Variants in GRAMD1B observed in about 807,000 individuals in gnomAD.
The protein encoded by GRAMD1B is protein Aster-B.
In GRAMD1B, 37 loss-of-function variants were observed where a neutral mutation model predicts 99.7. The observed-to-expected ratio is 0.37, with a 90% CI of 0.29 to 0.49. GRAMD1B has a LOEUF of 0.49. GRAMD1B is among the 20% of genes least tolerant of loss of function. The probability of loss-of-function intolerance (pLI) is 0.98; values close to 1 mark genes in which losing one functional copy is unlikely to be tolerated. For synonymous variants in GRAMD1B, 427 were observed against 387.6 expected (o/e 1.10, Z -1.19); for missense variants, 888 against 1,009.2 (o/e 0.88, Z 1.63).
At chr11:123,386,426 C>G (rs996388790) in intron 1 of GRAMD1B, among the ~76,000 whole-genome samples, 2 of 138,438 alleles carry the variant, frequency 1.4e-5, no homozygotes, top group African/African-American at 2.7e-5. Context: ...GAATGTTACT[C>G]ACAATATACT....
chr11:123,587,587 G>A lies in GRAMD1B; in HGVS notation c.684+3255G>A, dbSNP rs985000806. Reference sequence around the variant, plus strand: ...TAACATCACAGGGGTTTCCTTCCTTGGCCTCCTGGCGCATTCCTGCGGGCA... The same window carrying A: ...TAACATCACAGGGGTTTCCTTCCTTAGCCTCCTGGCGCATTCCTGCGGGCA... On this transcript the variant is annotated intron_variant, in intron 4 of 19. Coordinates refer to ENST00000635736, the MANE Select transcript of GRAMD1B (RefSeq NM_001387025.1). The surrounding 1 kb of genome is among the most constrained non-coding windows in gnomAD (Gnocchi z 4.2). 6.6e-6 allele frequency among the ~76,000 whole-genome samples: 1 copy of A among 152,158 alleles called. No homozygotes were observed. Among genetic ancestry groups the A allele is most frequent in the Non-Finnish European group, 1.5e-5 (1 of 68,026 alleles).
intron 1 of GRAMD1B, among the ~76,000 whole-genome samples, chr11:123,439,140 T>A (rs1949295732): frequency 6.6e-6 from 1 of 152,222 alleles, no homozygotes; most frequent in Admixed American, 6.5e-5. Flanking sequence ...GGTGGGAATC[T>A]ATGAGCTCTT....
At chr11:123,462,433 G>C (rs1950470296) in intron 1 of GRAMD1B, among the ~76,000 whole-genome samples, 1 of 152,136 alleles carries the variant, frequency 6.6e-6, no homozygotes, top group Non-Finnish European at 1.5e-5. Flanking sequence ...CTAGCTGAGG[G>C]CTGCCACCTG....
intron 1 of GRAMD1B, among the ~76,000 whole-genome samples, chr11:123,407,382 G>A (rs544689643): frequency 5.9e-5 from 9 of 152,262 alleles, no homozygotes; most frequent in Non-Finnish European, 1.0e-4. Context: ...TCAGGAAACG[G>A]ATGAGAAACT....
chr11:123,500,777 G>A (rs1301168571), intron 2 of GRAMD1B, among the ~76,000 whole-genome samples: 1 of 152,038 alleles, frequency 6.6e-6, no homozygotes, highest in African/African-American at 2.4e-5. Context: ...GGGTTCAAGT[G>A]ATTCTCCCGC....
intron 3 of GRAMD1B, 101 bp from the exon 4 acceptor site, chr11:123,584,211 C>A (rs573392701): frequency 4.3e-6 from 3 of 695,564 alleles, no homozygotes; most frequent in Non-Finnish European, 7.6e-6. Flanking sequence ...TGGACCCCTC[C>A]TCCCTGCCCA....
chr11:123,476,633 G>A (rs1435031399), intron 1 of GRAMD1B, among the ~76,000 whole-genome samples: 9 of 152,196 alleles, frequency 5.9e-5, no homozygotes, highest in African/African-American at 2.2e-4. Context: ...TTCTGCTGTT[G>A]TTGCATCACA....
In GRAMD1B at chr11:123,623,120, C is replaced by T. The variant is rs550973249; in HGVS notation, c.*525C>T. 2.0e-5 allele frequency: 3 copies of T among 152,286 alleles called. No homozygotes were observed. The highest frequency in any genetic ancestry group is 4.8e-5 in the African/African-American group (2 of 41,550). The allele number at this position is 152,286 out of a possible 1,614,324, so 9.4% of individuals were successfully genotyped here. ...CATCAAGGGAGCCCAGTCTAAACTC[C>T]TAGGGTTGGCCGCCCACTTGATCCA... On this transcript the variant is annotated 3_prime_UTR_variant, in exon 20 of 20. Coordinates refer to ENST00000635736, the MANE Select transcript of GRAMD1B (RefSeq NM_001387025.1).
chr11:123,367,717 G>A (rs950221303), intron 1 of GRAMD1B, among the ~76,000 whole-genome samples: 1 of 151,620 alleles, frequency 6.6e-6, no homozygotes, highest in Non-Finnish European at 1.5e-5. Context: ...TAGCAGGAGG[G>A]TAAGAAGAAC....
chr11:123,512,703 CTTTTTT>C (rs766565214), intron 2 of GRAMD1B, among the ~76,000 whole-genome samples: 8 of 103,016 alleles, frequency 7.8e-5, no homozygotes, highest in African/African-American at 2.7e-4. Context: ...CATTGTGAAT[CTTTTTT>C]TTTTTTTTTT....
intron 1 of GRAMD1B, among the ~76,000 whole-genome samples, chr11:123,371,618 A>G (rs77556675): frequency 0.023 from 3,540 of 152,272 alleles, 142 homozygotes; most frequent in African/African-American, 0.081. Context: ...CCAATCATGC[A>G]TATTCTGTGG....
intron 1 of GRAMD1B, among the ~76,000 whole-genome samples, chr11:123,474,506 G>A (rs1951168227): frequency 6.6e-6 from 1 of 152,144 alleles, no homozygotes. Context: ...ACTAAGTTGT[G>A]AGTAATCGCA....
intron 1 of GRAMD1B, among the ~76,000 whole-genome samples, chr11:123,456,787 G>T (rs1007003367): frequency 6.6e-6 from 1 of 151,834 alleles, no homozygotes; most frequent in Non-Finnish European, 1.5e-5. Flanking sequence ...AGGTGTGGTG[G>T]TGCACACCTG....
chr11:123,544,353 C>T (rs1053869189), intron 2 of GRAMD1B, among the ~76,000 whole-genome samples: 40 of 152,332 alleles, frequency 2.6e-4, no homozygotes, highest in African/African-American at 8.2e-4. Context: ...AAAGCCCTTG[C>T]CCTAACCACC....
intron 8 of GRAMD1B, among the ~76,000 whole-genome samples, chr11:123,601,336 G>C (rs1951931850): frequency 6.6e-6 from 1 of 151,796 alleles, no homozygotes; most frequent in African/African-American, 2.4e-5. Flanking sequence ...AGTGAGCTGT[G>C]ATTGCGCCAC....
chr11:123,558,727 C>G (rs901503006), intron 2 of GRAMD1B, among the ~76,000 whole-genome samples: 1 of 152,150 alleles, frequency 6.6e-6, no homozygotes, highest in African/African-American at 2.4e-5. Context: ...TGGGGCATTG[C>G]CAATATACCT....
rs1948855956 is a variant in GRAMD1B, at chr11:123,430,990, C to T, written c.198C>T (p.Ala66=). 2.8e-6 allele frequency: 2 copies of T among 702,904 alleles called. No individual in the cohort carries two copies. Among genetic ancestry groups the T allele is most frequent in the Non-Finnish European group, 5.2e-6 (2 of 384,926 alleles). The allele number at this position is 702,904 out of a possible 1,614,324, so 43.5% of individuals were successfully genotyped here. A position where few individuals can be genotyped will look rare whatever the true frequency, so the allele number is the denominator to read the frequency against. Residue 66 remains alanine (A), a synonymous_variant, in exon 1 of 20, where the codon GCC becomes GCT. Coordinates refer to ENST00000635736, the MANE Select transcript of GRAMD1B (RefSeq NM_001387025.1). The stretch of plus-strand genomic sequence containing the variant: ...CCGGGCTGGCCCGGGACCTGCCCGC[C>T]GTCTTGGCCCCCGGCAAGGAGTTCC... ...LEAGLARDLP[A]VLAPGKEFLQ...
At chr11:123,427,105 G>C (rs989872530), upstream of GRAMD1B, among the ~76,000 whole-genome samples, 6 of 152,184 alleles carry the variant, frequency 3.9e-5, no homozygotes, top group African/African-American at 1.2e-4. Context: ...CTGTGCGGTC[G>C]CTGAGAGCCA....
At chr11:123,365,137 G>C (rs1946275250) in intron 1 of GRAMD1B, among the ~76,000 whole-genome samples, 1 of 152,166 alleles carries the variant, frequency 6.6e-6, no homozygotes, top group Non-Finnish European at 1.5e-5. Flanking sequence ...GAGGCCTAGA[G>C]ACAGGATGCC....
Sources: allele counts gnomAD v4.1 joint callset (sites outside exome capture counted in the v4.1 genomes callset), GRCh38; gene constraint gnomAD v4.1.1; non-coding constraint Gnocchi (gnomAD v3.1); transcripts MANE v1.5; gene names NCBI Gene and HGNC (gene_info 2026-07-23, HGNC 2026-07-21).